EFR3A: variants seen among roughly 807,000 people sequenced by gnomAD.
EFR3A encodes EFR3 homolog A, also known as protein EFR3 homolog A.
A neutral mutation model predicts 104.4 loss-of-function variants in EFR3A; 76 were observed. The ratio of observed to expected loss-of-function variants is 0.73; its 90% confidence interval spans 0.60 to 0.88. The LOEUF (loss-of-function observed/expected upper bound fraction) is 0.88. EFR3A is among the 40% of genes least tolerant of loss of function. The pLI is 0.00. For missense variants in EFR3A, 985 were observed against 1,012.5 expected, an observed-to-expected ratio of 0.97 and a Z score of 0.37; for synonymous variants, 330 against 330.0, an observed-to-expected ratio of 1.00 and a Z score of 0.00.
intron 22 of EFR3A, among the ~76,000 whole-genome samples, chr8:132,006,065 A>G (rs1467347052): frequency 6.6e-6 from 1 of 152,142 alleles, no homozygotes; most frequent in Non-Finnish European, 1.5e-5. Context: ...ATACCTATCA[A>G]AGTTTTGTAA....
At chr8:131,979,239 C>T (rs1820477450) in intron 13 of EFR3A, 107 bp from the exon 14 acceptor site, 1 of 1,014,038 alleles carries the variant, frequency 9.9e-7, no homozygotes, top group East Asian at 2.6e-5. Flanking sequence ...AGTATCATTA[C>T]ATACAGGCTT....
chr8:132,009,980 T>G (rs1204061072), intron 22 of EFR3A, among the ~76,000 whole-genome samples: 1 of 152,050 alleles, frequency 6.6e-6, no homozygotes, highest in Non-Finnish European at 1.5e-5. Flanking sequence ...TGAGTAGGAT[T>G]AGAGGCAGTG....
intron 19 of EFR3A, among the ~76,000 whole-genome samples, chr8:131,998,635 G>GC (rs1821623812): frequency 6.6e-6 from 1 of 151,906 alleles, no homozygotes; most frequent in Non-Finnish European, 1.5e-5. Context: ...ATAAAAAGAT[G>GC]TATATTATTA....
intron 14 of EFR3A, among the ~76,000 whole-genome samples, chr8:131,981,399 CCTTG>C (rs1820605594): frequency 6.6e-6 from 1 of 152,014 alleles, no homozygotes; most frequent in Admixed American, 6.6e-5. Context: ...AAGTAACTTT[CCTTG>C]CTAAGCATTT....
In EFR3A at chr8:132,006,193, G is replaced by A. The variant is rs1483813178; in HGVS notation, c.2360+2908G>A. On this transcript the variant is annotated intron_variant, in intron 22 of 22. Transcript: ENST00000254624. ...TTTTGGTGAGACATTAGAGAAAGAAGAACAACATAAGCTAAACTAAGTATA... is the reference window on the plus strand; with the variant it reads ...TTTTGGTGAGACATTAGAGAAAGAAAAACAACATAAGCTAAACTAAGTATA... 2.6e-5 allele frequency among the ~76,000 whole-genome samples: 4 copies of A among 151,978 alleles called. No homozygotes were observed. The East Asian group carries it at 7.7e-4, about 29-fold the overall frequency.
chr8:131,979,070 A>G, intron 13 of EFR3A, 51 bp downstream of exon 13: 1 of 1,505,110 alleles, frequency 6.6e-7, no homozygotes, highest in African/African-American at 1.4e-5. Flanking sequence ...TAAATTGCTA[A>G]ATTAGTGTAT....
chr8:131,987,500 G>A (rs556558418), intron 17 of EFR3A, 75 bp from the exon 18 acceptor site: 69 of 1,443,448 alleles, frequency 4.8e-5, no homozygotes, highest in Non-Finnish European at 5.9e-5. Context: ...TTTTGCTCTG[G>A]AATGTTTTGC....
intron 5 of EFR3A, among the ~76,000 whole-genome samples, chr8:131,951,972 T>A (rs1931216125): frequency 6.6e-6 from 1 of 152,174 alleles, no homozygotes; most frequent in Non-Finnish European, 1.5e-5. Flanking sequence ...TTTACCAAGC[T>A]GTTACCAAAT....
chr8:131,952,947 A>G (rs1431443578), intron 5 of EFR3A, among the ~76,000 whole-genome samples: 1 of 152,192 alleles, frequency 6.6e-6, no homozygotes, highest in African/African-American at 2.4e-5. Flanking sequence ...AGTATTTTAG[A>G]TAGCAGAAAG....
At chr8:131,979,143 A>G in intron 13 of EFR3A, 124 bp downstream of exon 13, 1 of 1,140,986 alleles carries the variant, frequency 8.8e-7, no homozygotes, top group African/African-American at 1.6e-5. Context: ...AATTTTATTT[A>G]ATTGGTATTG....
intron 18 of EFR3A, among the ~76,000 whole-genome samples, chr8:131,991,416 T>C (rs1821176248): frequency 6.6e-6 from 1 of 152,116 alleles, no homozygotes; most frequent in Non-Finnish European, 1.5e-5. Flanking sequence ...ATAAGTAGTT[T>C]TGAATCTGTG....
At chr8:131,966,984 C>G (rs763628056) in intron 8 of EFR3A, among the ~76,000 whole-genome samples, 3 of 152,100 alleles carry the variant, frequency 2.0e-5, no homozygotes, top group Non-Finnish European at 4.4e-5. Context: ...TATAGTCGTA[C>G]TTTATAATTA....
intron 18 of EFR3A, among the ~76,000 whole-genome samples, chr8:131,995,691 C>G (rs1034311996): frequency 4.6e-5 from 7 of 152,144 alleles, no homozygotes; most frequent in African/African-American, 1.7e-4. Flanking sequence ...ATTATAATTA[C>G]AGGACTTCAG....
At chr8:131,950,746 A>G (rs939789465) in intron 5 of EFR3A, among the ~76,000 whole-genome samples, 9 of 152,172 alleles carry the variant, frequency 5.9e-5, no homozygotes, top group African/African-American at 2.2e-4. Flanking sequence ...TTTTGAGTGA[A>G]TAAGTAGATA....
chr8:131,959,453 A>T, intron 7 of EFR3A, 132 bp from the exon 8 acceptor site: 1 of 674,786 alleles, frequency 1.5e-6, no homozygotes, highest in Non-Finnish European at 2.5e-6. Context: ...TTCATTACTT[A>T]AGAATTAAAT....
intron 8 of EFR3A, among the ~76,000 whole-genome samples, chr8:131,961,154 C>T (rs182600801): frequency 0.017 from 2,537 of 152,252 alleles, 33 homozygotes; most frequent in Non-Finnish European, 0.025. Flanking sequence ...ATCAGAGCGC[C>T]TCTCCTCCTC....
intron 1 of EFR3A, among the ~76,000 whole-genome samples, chr8:131,905,982 G>A (rs1816243064): frequency 6.6e-6 from 1 of 152,222 alleles, no homozygotes; most frequent in African/African-American, 2.4e-5. Context: ...GGCCATGGTG[G>A]AGTTTACATA....
At chr8:132,001,652 A>T in intron 19 of EFR3A, 107 bp from the exon 20 acceptor site, 1 of 915,732 alleles carries the variant, frequency 1.1e-6, no homozygotes. Flanking sequence ...CCCAACACAA[A>T]GAAGAAAACA....
At chr8:131,912,251 A>G (rs1016828343) in intron 1 of EFR3A, among the ~76,000 whole-genome samples, 4 of 152,198 alleles carry the variant, frequency 2.6e-5, no homozygotes, top group Admixed American at 2.0e-4. Context: ...ACAGCTACAT[A>G]CTTCCTACGA....
Sources: allele counts gnomAD v4.1 joint callset (sites outside exome capture counted in the v4.1 genomes callset), GRCh38; gene constraint gnomAD v4.1.1; transcripts MANE v1.5; gene names NCBI Gene and HGNC (gene_info 2026-07-23, HGNC 2026-07-21).